The following COL16A1 variants were observed in gnomAD, a reference collection of about 807,000 sequenced individuals.
The protein encoded by COL16A1 is collagen type XVI alpha 1 chain.
Under a neutral mutation model 266.3 loss-of-function variants are expected in COL16A1, and 189 were observed. The ratio of observed to expected loss-of-function variants is 0.71; its 90% CI spans 0.63 to 0.80. The LOEUF is 0.80. Among genes scored for constraint, COL16A1 ranks in the 30% least tolerant of loss-of-function variants. The pLI is 0.00. For synonymous variants in COL16A1, 740 were observed against 782.3 expected (o/e 0.95, Z 0.90); for missense variants, 1,928 against 2,122.4 (o/e 0.91, Z 1.80).
chr1:31,684,402 C>G, intron 31 of COL16A1, 121 bp downstream of exon 31: 1 of 1,508,310 alleles, frequency 6.6e-7, no homozygotes, highest in Non-Finnish European at 8.8e-7. Flanking sequence ...GGAGCCTCCG[C>G]TCAGTGACTC....
chr1:31,676,181 A>G (rs1643165996), intron 42 of COL16A1, among the ~76,000 whole-genome samples: 1 of 152,042 alleles, frequency 6.6e-6, no homozygotes, highest in South Asian at 2.1e-4. Flanking sequence ...AAAAGTTAGC[A>G]GGGCATGGTG....
chr1:31,698,126 G>A lies in COL16A1; in HGVS notation c.437C>T (p.Ala146Val). The A allele has an allele frequency of 1.2e-6, 2 of 1,613,942 alleles. No individual in the cohort carries two copies. Among genetic ancestry groups the A allele is most frequent in the Non-Finnish European group, 1.7e-6 (2 of 1,180,046 alleles). ...CACAAAGTCGCCATCCTGGCCCTGG[G>A]CCCTGAGCTCCAGGCTCCGCTCTTG... ...NSQERSLELR[A>V]QGQDGDFVSC... is the part of the protein sequence containing the mutation. Residue 146 changes from alanine (A) to valine (V), a missense_variant, in exon 6 of 71, where the codon GCC (alanine) becomes GTC (valine). This residue lies in a region of COL16A1 where 1,552 missense variants were observed against 1,637.2 expected (regional missense o/e 0.95). Coordinates refer to ENST00000373672, the MANE Select transcript of COL16A1 (RefSeq NM_001856.4). This position sits in a 1 kb window ranked among gnomAD's most constrained non-coding sequence, Gnocchi z 4.1.
chr1:31,666,022 C>T lies in COL16A1; in HGVS notation c.3402+15G>A, dbSNP rs1557625429. The T allele has an allele frequency of 6.2e-7, 1 of 1,612,874 alleles. No individual in the cohort carries two copies. Among genetic ancestry groups the T allele is most frequent in the Admixed American group, 1.7e-5 (1 of 59,884 alleles). ...AAGACCAGGACCACATCTCCCCATG[C>T]CCTCCTTCACTCACCGCTGGGCCTG... On this transcript the variant is annotated intron_variant, in intron 53 of 70. Coordinates refer to ENST00000373672, the MANE Select transcript of COL16A1 (RefSeq NM_001856.4).
rs1364977498 is a variant in COL16A1 at position 31,661,201 on chromosome 1, C to G, written c.3772-82G>C. 14 of 1,506,568 alleles carry G rather than the reference C, an allele frequency of 9.3e-6. No homozygotes were observed. The South Asian group carries it at 1.1e-4, about 12-fold the overall frequency. 93.3% of individuals were successfully genotyped at this position (1,506,568 alleles called of 1,614,324 possible). ...CAAGTCAACCTCACATCAGAGGGAC[C>G]CTGCCACCTGCCCCAGCTTTGGCCA... On this transcript the variant is annotated intron_variant, in intron 60 of 70. Transcript: ENST00000373672.
intron 68 of COL16A1, 126 bp downstream of exon 68, chr1:31,654,666 T>C: frequency 6.4e-7 from 1 of 1,553,214 alleles, no homozygotes; most frequent in African/African-American, 1.4e-5. Context: ...ACCCCAGGCC[T>C]GTGAGTGTGT....
chr1:31,686,810 G>A (rs1363469175), intron 26 of COL16A1, among the ~76,000 whole-genome samples: 1 of 152,250 alleles, frequency 6.6e-6, no homozygotes, highest in Non-Finnish European at 1.5e-5. Context: ...GAATGGGGGA[G>A]GGTAGAGAGG....
intron 31 of COL16A1, 28 bp from the exon 32 acceptor site, chr1:31,684,259 C>A: frequency 6.9e-7 from 1 of 1,457,986 alleles, no homozygotes; most frequent in African/African-American, 1.4e-5. Context: ...CAGCCAGGAG[C>A]CCATGAGCCG....
intron 58 of COL16A1, 72 bp downstream of exon 58, chr1:31,662,262 G>T (rs1178506152): frequency 3.2e-6 from 5 of 1,569,472 alleles, no homozygotes; most frequent in South Asian, 1.2e-5. Flanking sequence ...TTCCATCAGG[G>T]TTCCCTTGAC....
Position 31,697,792 on chromosome 1 carries a change from A to G in COL16A1, c.657+114T>C. 1 of 1,295,172 alleles carries G rather than the reference A, an allele frequency of 7.7e-7. No individual in the cohort carries two copies. Among genetic ancestry groups the G allele is most frequent in the Non-Finnish European group, 1.1e-6 (1 of 946,022 alleles). The allele number at this position is 1,295,172 out of a possible 1,614,324, so 80.2% of individuals were successfully genotyped here. A position where few individuals can be genotyped will look rare whatever the true frequency, so the allele number is the denominator to read the frequency against. On this transcript the variant is annotated intron_variant, in intron 6 of 70. Transcript: ENST00000373672. This position sits in a 1 kb window ranked among gnomAD's most constrained non-coding sequence, Gnocchi z 4.2. ...TAGGCTGCATTTGGAGGGCAACAGG[A>G]AAGCAGGGGAAGATTCTAAGCAGGA...
chr1:31,678,197 G>A (rs1643342510), intron 42 of COL16A1, among the ~76,000 whole-genome samples: 1 of 152,180 alleles, frequency 6.6e-6, no homozygotes, highest in Admixed American at 6.5e-5. Context: ...AGGGTGGCGG[G>A]GGTGGGGAGG....
At chr1:31,695,919 C>T in intron 9 of COL16A1, 132 bp from the exon 10 acceptor site, 2 of 983,678 alleles carry the variant, frequency 2.0e-6, no homozygotes, top group Non-Finnish European at 3.2e-6. Context: ...CTGTCTCACC[C>T]CCATCCGTCC....
In COL16A1 at chr1:31,699,934, T is replaced by C; in HGVS notation, c.149-4A>G. 3 of 1,609,220 alleles carry C rather than the reference T, an allele frequency of 1.9e-6. No homozygotes were observed. The highest frequency in any genetic ancestry group is 2.6e-6 in the Non-Finnish European group (3 of 1,175,612). On this transcript the variant is annotated splice_region_variant and splice_polypyrimidine_tract_variant and intron_variant, in intron 3 of 70. Transcript: ENST00000373672. ...AGTCGGTGGATGAGGTTGAAGCCTT[T>C]GGGGGAGACATCAGGTGAAGAGCTC...
intron 4 of COL16A1, among the ~76,000 whole-genome samples, chr1:31,699,036 A>C (rs1644617034): frequency 6.6e-6 from 1 of 152,202 alleles, no homozygotes; most frequent in Non-Finnish European, 1.5e-5. Flanking sequence ...TGGAGGTTGC[A>C]GTGAGCCAAG....
intron 13 of COL16A1, 118 bp from the exon 14 acceptor site, chr1:31,692,926 C>A: frequency 1.9e-6 from 2 of 1,071,306 alleles, no homozygotes; most frequent in South Asian, 2.7e-5. Flanking sequence ...AAAAGGGGGG[C>A]TTCTACACCC....
intron 37 of COL16A1, among the ~76,000 whole-genome samples, chr1:31,681,908 C>T (rs932974857): frequency 2.6e-5 from 4 of 152,198 alleles, no homozygotes; most frequent in African/African-American, 4.8e-5. Context: ...TGGGCTTGGG[C>T]GAGTCCCTGC....
intron 16 of COL16A1, 141 bp from the exon 17 acceptor site, chr1:31,692,208 G>A: frequency 3.7e-6 from 5 of 1,348,516 alleles, no homozygotes; most frequent in South Asian, 3.7e-5. Flanking sequence ...ATCACCACGG[G>A]AGGGTAGACA....
Position 31,696,075 on chromosome 1 carries a change from C to T in COL16A1, c.918+13G>A, listed in dbSNP as rs1644486452. The T allele has an allele frequency of 5.0e-6, 8 of 1,591,846 alleles. No individual in the cohort carries two copies. The highest frequency in any genetic ancestry group is 6.9e-6 in the Non-Finnish European group (8 of 1,160,186). ...GAGGGCAGGTAGGCTCCTCCCCCCA[C>T]CCCCACCTCTACCTTTGCTCCCCTT... On this transcript the variant is annotated intron_variant, in intron 9 of 70. Transcript: ENST00000373672.
In COL16A1 at chr1:31,661,046, T is replaced by G. The variant is rs776080276; in HGVS notation, c.3825+20A>C. On this transcript the variant is annotated intron_variant, in intron 61 of 70. Transcript: ENST00000373672. ...TCTGAAGGCAAACTGAAGGCAGCCA[T>G]GTGGATCCCTGGCCCTCACCTCTGC... 1.9e-6 allele frequency: 3 copies of G among 1,555,288 alleles called. No individual in the cohort carries two copies. Among genetic ancestry groups the G allele is most frequent in the Non-Finnish European group, 2.6e-6 (3 of 1,149,014 alleles).
At chr1:31,658,697 G>T in intron 63 of COL16A1, 120 bp from the exon 64 acceptor site, 1 of 1,082,784 alleles carries the variant, frequency 9.2e-7, no homozygotes, top group South Asian at 1.4e-5. Flanking sequence ...GGCACTGCCT[G>T]AACTTGCAGC....
Sources: allele counts gnomAD v4.1 joint callset (sites outside exome capture counted in the v4.1 genomes callset), GRCh38; gene constraint gnomAD v4.1.1; regional missense constraint gnomAD v4.1.1; non-coding constraint Gnocchi (gnomAD v3.1); transcripts MANE v1.5; gene names NCBI Gene and HGNC (gene_info 2026-07-23, HGNC 2026-07-21).